Variants in SLC7A8 observed in about 807,000 individuals in gnomAD.
SLC7A8 encodes the protein solute carrier family 7 member 8.
A neutral mutation model predicts 51.2 loss-of-function variants in SLC7A8; 30 were observed. That is an observed-to-expected ratio of 0.59 (90% CI 0.44 to 0.80). SLC7A8 has a LOEUF of 0.80. Among genes scored for constraint, SLC7A8 ranks in the 30% least tolerant of loss-of-function variants. The probability of loss-of-function intolerance (pLI) is 0.00; values close to 1 mark genes in which losing one functional copy is unlikely to be tolerated. For missense variants in SLC7A8, 612 were observed against 674.4 expected (o/e 0.91, Z 1.03); for synonymous variants, 257 against 275.8 (o/e 0.93, Z 0.67).
Position 23,182,863 on chromosome 14 carries a change from C to T in SLC7A8, c.52G>A (p.Gly18Arg), listed in dbSNP as rs144958980. The change falls in exon 1 of 11, where the codon GGG becomes AGG. Residue 18 changes from glycine to arginine, a missense_variant. By Grantham distance (125) the Gly-to-Arg change is moderately radical. Coordinates refer to ENST00000316902, the MANE Select transcript of SLC7A8 (RefSeq NM_012244.4). Reference sequence around the variant, plus strand: ...TCGGGGCTGGCGTCCGACTCGCCCCCACCTGGGTGTTTCTTTTCGGTGTTG... The same window carrying T: ...TCGGGGCTGGCGTCCGACTCGCCCCTACCTGGGTGTTTCTTTTCGGTGTTG... ...RNNTEKKHPG[G>R]GESDASPEAG... The T allele has an allele frequency of 6.2e-7, 1 of 1,614,156 alleles. No homozygotes were observed. Among genetic ancestry groups the T allele is most frequent in the Non-Finnish European group, 8.5e-7 (1 of 1,180,020 alleles).
At chr14:23,134,457 A>G (rs1411801909) in intron 7 of SLC7A8, among the ~76,000 whole-genome samples, 8 of 150,746 alleles carry the variant, frequency 5.3e-5, no homozygotes, top group Admixed American at 4.6e-4. Flanking sequence ...AAAAAAAAAA[A>G]AAAGAAAAGA....
chr14:23,181,133 A>G (rs192297224), intron 1 of SLC7A8, among the ~76,000 whole-genome samples: 1 of 152,070 alleles, frequency 6.6e-6, no homozygotes, highest in Admixed American at 6.6e-5. Flanking sequence ...GCATCTGTGT[A>G]TAAGTCAGAA....
intron 7 of SLC7A8, among the ~76,000 whole-genome samples, chr14:23,135,015 C>T (rs998811264): frequency 3.3e-5 from 5 of 152,222 alleles, no homozygotes; most frequent in African/African-American, 1.2e-4. Context: ...AATCCTTCCA[C>T]CTTGCCTTCC....
intron 3 of SLC7A8, among the ~76,000 whole-genome samples, chr14:23,147,650 T>C (rs1433261535): frequency 2.0e-5 from 3 of 152,226 alleles, no homozygotes; most frequent in Non-Finnish European, 4.4e-5. Context: ...ATGTATTTTT[T>C]GGGCATTTCC....
rs951823000 is a variant in SLC7A8 at position 23,131,638 on chromosome 14, G to A, written c.1017-81C>T. 8.1e-5 allele frequency: 90 copies of A among 1,105,736 alleles called. 1 individual carries two copies. The highest frequency in any genetic ancestry group is 1.1e-4 in the Non-Finnish European group (89 of 797,996). The allele number at this position is 1,105,736 out of a possible 1,614,324, so 68.5% of individuals were successfully genotyped here. Reference sequence around the variant, plus strand: ...GCTCCTTCATCCTTGCCTACCTTCTGCCCACACAGGGGCATCCCCACTCCA... The same window carrying A: ...GCTCCTTCATCCTTGCCTACCTTCTACCCACACAGGGGCATCCCCACTCCA... On this transcript the variant is annotated intron_variant, in intron 7 of 10. Transcript: ENST00000316902.
chr14:23,145,319 G>C (rs1180218359), intron 3 of SLC7A8, among the ~76,000 whole-genome samples: 1 of 151,412 alleles, frequency 6.6e-6, no homozygotes, highest in Non-Finnish European at 1.5e-5. Flanking sequence ...ATGAGGTCAG[G>C]AGTTCGAGAC....
chr14:23,134,756 A>G (rs1358355383), intron 7 of SLC7A8, among the ~76,000 whole-genome samples: 1 of 152,092 alleles, frequency 6.6e-6, no homozygotes, highest in Non-Finnish European at 1.5e-5. Flanking sequence ...TTTTGAGATA[A>G]TTGTAGATTT....
rs143735432 is a variant in SLC7A8 at position 23,163,873 on chromosome 14, C to G, written c.508+1412G>C. On this transcript the variant is annotated intron_variant, in intron 3 of 10. Transcript: ENST00000316902. ...GAGACTTCCTAGAAATACGGCTCTG[C>G]AGAACTTCTCTAGGAAGCCTCTCTA... 5.5e-3 allele frequency among the ~76,000 whole-genome samples: 840 copies of G among 152,258 alleles called. 9 individuals carry two copies. The highest frequency in any genetic ancestry group is 0.019 in the African/African-American group (806 of 41,540).
intron 1 of SLC7A8, among the ~76,000 whole-genome samples, chr14:23,181,158 G>GA (rs141095198): frequency 0.08 from 12,228 of 152,266 alleles, 584 homozygotes; most frequent in South Asian, 0.23. Context: ...CCTAGAGGGG[G>GA]AAAATGCTTA....
intron 7 of SLC7A8, among the ~76,000 whole-genome samples, chr14:23,132,494 A>C (rs1021435517): frequency 1.3e-4 from 20 of 152,072 alleles, no homozygotes; most frequent in African/African-American, 4.8e-4. Flanking sequence ...AAGCAGGAAG[A>C]TTGCTTGAGC....
chr14:23,154,342 A>G, intron 3 of SLC7A8: 1 of 999,810 alleles, frequency 1.0e-6, no homozygotes. Flanking sequence ...CTGGAGCAAA[A>G]GGGGTGAGGC....
chr14:23,131,372 G>C (rs1406284641), intron 8 of SLC7A8, 89 bp downstream of exon 8: 2 of 1,072,976 alleles, frequency 1.9e-6, no homozygotes, highest in African/African-American at 3.2e-5. Flanking sequence ...AGGGTAACAG[G>C]GGTGTGTGTG....
chr14:23,143,175 C>G lies in SLC7A8; in HGVS notation c.538G>C (p.Val180Leu). The stretch of plus-strand genomic sequence containing the variant: ...TCTTGAACCCGGGTGGCCCACCGCA[C>G]ACTGGAACAGTTGACCCATGTGAGG... The part of the protein sequence containing the change: ...LLLTWVNCSS[V>L]RWATRVQDIF... Residue 180 changes from valine to leucine, a missense_variant, in exon 4 of 11, where the codon GTG becomes CTG. By Grantham distance (32) the Val-to-Leu change is conservative. Transcript: ENST00000316902. 6.2e-7 allele frequency: 1 copy of G among 1,614,240 alleles called. No individual in the cohort carries two copies. Among genetic ancestry groups the G allele is most frequent in the Non-Finnish European group, 8.5e-7 (1 of 1,180,040 alleles).
intron 1 of SLC7A8, among the ~76,000 whole-genome samples, chr14:23,169,058 C>CA (rs1229215328): frequency 3.3e-5 from 5 of 152,100 alleles, no homozygotes; most frequent in Non-Finnish European, 7.3e-5. Flanking sequence ...ATTAAAATTA[C>CA]AAAGATAGGC....
chr14:23,144,341 A>AATTTTTTTTTTTT (rs375223021), intron 3 of SLC7A8, among the ~76,000 whole-genome samples: 1 of 114,356 alleles, frequency 8.7e-6, no homozygotes, highest in African/African-American at 3.1e-5. Context: ...TTTAAACACA[A>AATTTTTTTTTTTT]TTTTTTTTTT....
intron 1 of SLC7A8, among the ~76,000 whole-genome samples, chr14:23,179,673 G>T (rs959929528): frequency 2.6e-5 from 4 of 152,030 alleles, no homozygotes; most frequent in African/African-American, 9.6e-5. Context: ...GCTAGGTGTC[G>T]TGGTGTATGC....
chr14:23,155,301 G>A, intron 3 of SLC7A8: 1 of 1,536,018 alleles, frequency 6.5e-7, no homozygotes, highest in Non-Finnish European at 8.7e-7. Context: ...GAGTGCTCCT[G>A]GAGGCACACA....
At position 23,140,236 on chromosome 14, in the gene SLC7A8, T is replaced by C. The variant is rs1281559466; in HGVS notation, c.788+235A>G. 2.0e-5 allele frequency among the ~76,000 whole-genome samples: 3 copies of C among 152,100 alleles called. 1 individual carries two copies. In the East Asian group the frequency reaches 5.8e-4, roughly 29 times the overall value. On this transcript the variant is annotated intron_variant, in intron 5 of 10. Coordinates refer to ENST00000316902, the MANE Select transcript of SLC7A8 (RefSeq NM_012244.4). The stretch of plus-strand genomic sequence containing the variant: ...GGCAGTAGTGTTACTGCAGGACAGT[T>C]TTCAGCTTCTAATCTGCTCTGGGAA...
intron 4 of SLC7A8, among the ~76,000 whole-genome samples, chr14:23,142,199 C>T (rs1014461109): frequency 6.6e-6 from 1 of 151,768 alleles, no homozygotes; most frequent in Non-Finnish European, 1.5e-5. Flanking sequence ...GGAAATTTCC[C>T]TGTTTGTCAC....
Sources: allele counts gnomAD v4.1 joint callset (sites outside exome capture counted in the v4.1 genomes callset), GRCh38; gene constraint gnomAD v4.1.1; transcripts MANE v1.5; gene names NCBI Gene and HGNC (gene_info 2026-07-23, HGNC 2026-07-21).